SLC10A1: variants seen among roughly 807,000 people sequenced by gnomAD.
SLC10A1 encodes solute carrier family 10 member 1, also known as hepatic sodium/bile acid cotransporter.
SLC10A1 carries 36 observed loss-of-function variants against 20.5 expected under a neutral mutation model. The ratio of observed to expected loss-of-function variants is 1.75; its 90% CI spans 1.34 to 2.32. SLC10A1 has a LOEUF of 2.32. Among genes scored for constraint, SLC10A1 ranks in the 30% most tolerant of loss-of-function variants. SLC10A1 has a pLI of 0.00. For synonymous variants in SLC10A1, 188 were observed against 163.6 expected, an observed-to-expected ratio of 1.15 and a Z score of -1.14; for missense variants, 545 against 439.1, an observed-to-expected ratio of 1.24 and a Z score of -2.16.
chr14:69,779,343 A>G lies in SLC10A1; in HGVS notation c.585T>C (p.Ile195=), dbSNP rs1478473209. Residue 195 remains isoleucine, a synonymous_variant, in exon 3 of 5, where the codon ATT becomes ATC. Transcript: ENST00000216540. ...RYVIKGGMII[I]LLCSVAVTVL... ...CTGTGACGGCCACACTGCACAAGAG[A>G]ATGATGATCATCCCTCCCTGGGAAT... 6.2e-7 allele frequency: 1 copy of G among 1,610,556 alleles called. No individual in the cohort carries two copies. Among genetic ancestry groups the G allele is most frequent in the Non-Finnish European group, 8.5e-7 (1 of 1,177,448 alleles).
intron 1 of SLC10A1, among the ~76,000 whole-genome samples, chr14:69,788,101 G>T: frequency 6.6e-6 from 1 of 151,960 alleles, no homozygotes; most frequent in East Asian, 1.9e-4. Context: ...TTCATAGAGG[G>T]GTTCTGGAGG....
chr14:69,779,843 A>G (rs1425507447), intron 2 of SLC10A1, among the ~76,000 whole-genome samples: 1 of 139,394 alleles, frequency 7.2e-6, no homozygotes, highest in Non-Finnish European at 1.5e-5. Context: ...ATTATTTAAA[A>G]GTCAAGTATT....
chr14:69,788,922 C>T (rs1021415299), intron 1 of SLC10A1, among the ~76,000 whole-genome samples: 1 of 152,104 alleles, frequency 6.6e-6, no homozygotes, highest in South Asian at 2.1e-4. Context: ...GAGATATTTT[C>T]CCAAAGAAGA....
chr14:69,784,978 C>G (rs960316642), intron 2 of SLC10A1, among the ~76,000 whole-genome samples: 4 of 152,210 alleles, frequency 2.6e-5, no homozygotes, highest in African/African-American at 9.6e-5. Flanking sequence ...AAACTGGACT[C>G]TTGACTTCTT....
At chr14:69,785,533 C>T (rs1348490297) in intron 2 of SLC10A1, among the ~76,000 whole-genome samples, 3 of 151,900 alleles carry the variant, frequency 2.0e-5, no homozygotes, top group Admixed American at 6.6e-5. Flanking sequence ...CAAATACTTG[C>T]GTGTACACTG....
chr14:69,795,366 C>A (rs1056798341), intron 1 of SLC10A1, among the ~76,000 whole-genome samples: 5 of 151,992 alleles, frequency 3.3e-5, no homozygotes, highest in African/African-American at 1.2e-4. Context: ...TCCTGTTAAA[C>A]CCCAACTCTC....
chr14:69,787,122 T>C (rs1400748490), intron 1 of SLC10A1, among the ~76,000 whole-genome samples: 1 of 152,216 alleles, frequency 6.6e-6, no homozygotes, highest in African/African-American at 2.4e-5. Context: ...TGGATAGTAT[T>C]CCAGTCCCCA....
At position 69,786,226 on chromosome 14, in the gene SLC10A1, A is replaced by G. The variant is rs1483892781; in HGVS notation, c.438T>C (p.Tyr146=). The G allele has an allele frequency of 6.2e-7, 1 of 1,613,928 alleles. No homozygotes were observed. Among genetic ancestry groups the G allele is most frequent in the Non-Finnish European group, 8.5e-7 (1 of 1,179,992 alleles). ...LLLYIYSRGI[Y]DGDLKDKVPY... ...GCACCTTGTCCTTCAGGTCCCCATC[A>G]TAGATCCCCCTGGAGTAGATGTACA... The change falls in exon 2 of 5, where the codon TAT becomes TAC. Residue 146 remains tyrosine, a synonymous_variant. Transcript: ENST00000216540.
intron 3 of SLC10A1, 69 bp downstream of exon 3, chr14:69,779,113 A>T: frequency 2.5e-6 from 3 of 1,194,830 alleles, no homozygotes; most frequent in Non-Finnish European, 3.4e-6. Flanking sequence ...GTGAGCTGAG[A>T]ATGTGCTACT....
rs533001322 is a variant in SLC10A1 at position 69,780,365 on chromosome 14, T to C, written c.568-1005A>G. Among the ~76,000 whole-genome samples, 8 of 143,018 alleles carry C rather than the reference T, an allele frequency of 5.6e-5. No individual in the cohort carries two copies. The South Asian group carries it at 1.7e-3, about 30-fold the overall frequency. 93.8% of individuals were successfully genotyped at this position (143,018 alleles called of 152,430 possible). A position where few individuals can be genotyped will look rare whatever the true frequency, so the allele number is the denominator to read the frequency against. ...TGTAAATTTAAGACTGTCCCTTTTA[T>C]CTCCTGAGTAAAGAAATACTTAACT... On this transcript the variant is annotated intron_variant, in intron 2 of 4. Transcript: ENST00000216540.
intron 2 of SLC10A1, among the ~76,000 whole-genome samples, chr14:69,781,342 C>T (rs1566635617): frequency 6.6e-6 from 1 of 152,196 alleles, no homozygotes; most frequent in South Asian, 2.1e-4. Context: ...ACTTCATTGC[C>T]CTGCTCACAA....
Position 69,779,403 on chromosome 14 carries a change from TAGAG to T in SLC10A1, c.568-47_568-44del, listed in dbSNP as rs760988751. 1.6e-5 allele frequency: 24 copies of T among 1,545,706 alleles called. No individual in the cohort carries two copies. The African/African-American group carries it at 2.6e-4, about 17-fold the overall frequency. ...AAAAGGCAATTAGAAGAGTTGGGGA[TAGAG>T]AGGAACAGAGGTGGGGAAGCACAGG... On this transcript the variant is annotated intron_variant, in intron 2 of 4. Coordinates refer to ENST00000216540, the MANE Select transcript of SLC10A1 (RefSeq NM_003049.4).
intron 1 of SLC10A1, among the ~76,000 whole-genome samples, chr14:69,792,261 A>G (rs1459680978): frequency 1.3e-5 from 2 of 152,234 alleles, no homozygotes; most frequent in African/African-American, 4.8e-5. Context: ...AACATAAGCA[A>G]TCTATCAGAC....
At chr14:69,791,974 CAG>C (rs1284738832) in intron 1 of SLC10A1, among the ~76,000 whole-genome samples, 3 of 145,752 alleles carry the variant, frequency 2.1e-5, no homozygotes, top group Non-Finnish European at 4.5e-5. Flanking sequence ...TTTTTTGAGA[CAG>C]GGTGTTGCTC....
At chr14:69,779,103 G>T in intron 3 of SLC10A1, 79 bp downstream of exon 3, 1 of 1,096,492 alleles carries the variant, frequency 9.1e-7, no homozygotes, top group Non-Finnish European at 1.3e-6. Flanking sequence ...TGAGGCTGCA[G>T]TGAGCTGAGA....
At chr14:69,789,233 A>T (rs1186541120) in intron 1 of SLC10A1, among the ~76,000 whole-genome samples, 1 of 152,248 alleles carries the variant, frequency 6.6e-6, no homozygotes, top group African/African-American at 2.4e-5. Flanking sequence ...AACAGAAAGC[A>T]TGTTCACACA....
intron 4 of SLC10A1, among the ~76,000 whole-genome samples, chr14:69,777,589 T>G (rs1477263542): frequency 2.3e-4 from 22 of 94,164 alleles, no homozygotes; most frequent in African/African-American, 4.7e-4. Flanking sequence ...TTTTTTTTTT[T>G]TTTTTTTTTT....
intron 3 of SLC10A1, 46 bp from the exon 4 acceptor site, chr14:69,778,575 G>A (rs757387093): frequency 1.3e-5 from 19 of 1,508,394 alleles, no homozygotes; most frequent in Middle Eastern, 5.0e-4. Flanking sequence ...GGGAACTGGA[G>A]GGAGCAACTT....
At chr14:69,796,158 C>A (rs1882382741) in intron 1 of SLC10A1, among the ~76,000 whole-genome samples, 1 of 152,168 alleles carries the variant, frequency 6.6e-6, no homozygotes, top group Admixed American at 6.5e-5. Context: ...GTGCTGCTGT[C>A]TTCCCCTTAT....
Sources: allele counts gnomAD v4.1 joint callset (sites outside exome capture counted in the v4.1 genomes callset), GRCh38; gene constraint gnomAD v4.1.1; transcripts MANE v1.5; gene names NCBI Gene and HGNC (gene_info 2026-07-23, HGNC 2026-07-21).